KCNMB2: variants seen among roughly 807,000 people sequenced by gnomAD.
The protein encoded by KCNMB2 is calcium-activated potassium channel subunit beta-2.
Under a neutral mutation model 24.5 loss-of-function variants are expected in KCNMB2, and 9 were observed. The ratio of observed to expected loss-of-function variants is 0.37; its 90% CI spans 0.22 to 0.64. The LOEUF is 0.64. Among genes scored for constraint, KCNMB2 ranks in the 30% least tolerant of loss-of-function variants. The probability of loss-of-function intolerance (pLI) is 0.63; values close to 1 mark genes in which losing one functional copy is unlikely to be tolerated. For missense variants in KCNMB2, 226 were observed against 284.3 expected, an observed-to-expected ratio of 0.79 and a Z score of 1.47; for synonymous variants, 109 against 104.4, an observed-to-expected ratio of 1.04 and a Z score of -0.27.
At chr3:178,636,823 G>A (rs892341340) in intron 1 of KCNMB2, among the ~76,000 whole-genome samples, 1 of 103,784 alleles carries the variant, frequency 9.6e-6, no homozygotes, top group Non-Finnish European at 1.9e-5. Flanking sequence ...GTGGTGGTTT[G>A]CTGCACAGAT....
At chr3:178,651,541 A>T (rs1409553230) in intron 1 of KCNMB2, among the ~76,000 whole-genome samples, 1 of 152,190 alleles carries the variant, frequency 6.6e-6, no homozygotes, top group African/African-American at 2.4e-5. Flanking sequence ...GCTACCATTG[A>T]CTTTCTTCAC....
chr3:178,594,381 G>A (rs1717790393), intron 1 of KCNMB2, among the ~76,000 whole-genome samples: 1 of 152,226 alleles, frequency 6.6e-6, no homozygotes, highest in South Asian at 2.1e-4. Flanking sequence ...TAGTGTGGAA[G>A]CAGTGAAGAT....
chr3:178,804,597 G>A (rs1713893787), intron 1 of KCNMB2, among the ~76,000 whole-genome samples: 1 of 152,144 alleles, frequency 6.6e-6, no homozygotes, highest in Admixed American at 6.5e-5. Context: ...TCTTGAAACA[G>A]AGCAAAGATA....
At chr3:178,673,174 C>A (rs886067035) in intron 1 of KCNMB2, among the ~76,000 whole-genome samples, 1 of 152,094 alleles carries the variant, frequency 6.6e-6, no homozygotes, top group South Asian at 2.1e-4. Context: ...TTCAGAAAAA[C>A]CTCAACCCTA....
At chr3:178,741,164 T>G (rs925639710) in intron 1 of KCNMB2, among the ~76,000 whole-genome samples, 2 of 152,330 alleles carry the variant, frequency 1.3e-5, no homozygotes, top group East Asian at 3.9e-4. Flanking sequence ...AGAGTGTGTT[T>G]GGAGATGAAC....
At chr3:178,808,936 C>A (rs1312421142) in intron 2 of KCNMB2, among the ~76,000 whole-genome samples, 1 of 152,038 alleles carries the variant, frequency 6.6e-6, no homozygotes, top group East Asian at 1.9e-4. Context: ...AATAATGTTG[C>A]CTTGTCAGCA....
intron 1 of KCNMB2, among the ~76,000 whole-genome samples, chr3:178,673,781 A>G (rs759421161): frequency 6.6e-6 from 1 of 152,064 alleles, no homozygotes; most frequent in African/African-American, 2.4e-5. Context: ...TCTGCTTTTC[A>G]TTTCAGTAAG....
intron 1 of KCNMB2, among the ~76,000 whole-genome samples, chr3:178,600,139 A>T (rs1429271812): frequency 6.6e-6 from 1 of 152,126 alleles, no homozygotes; most frequent in East Asian, 1.9e-4. Context: ...CGGCCTCCCA[A>T]AGTGCTAGGA....
chr3:178,761,889 A>C (rs983168605), intron 1 of KCNMB2, among the ~76,000 whole-genome samples: 4 of 152,196 alleles, frequency 2.6e-5, no homozygotes, highest in African/African-American at 9.6e-5. Context: ...AACAGAAAGT[A>C]GGCTGGGCAT....
At chr3:178,593,202 C>A (rs1717741808) in intron 1 of KCNMB2, among the ~76,000 whole-genome samples, 1 of 151,930 alleles carries the variant, frequency 6.6e-6, no homozygotes, top group Non-Finnish European at 1.5e-5. Flanking sequence ...ACATATTCAA[C>A]CTGGATTAAC....
rs570062917 is a variant in KCNMB2, at chr3:178,590,166, C to A, written c.-68+53455C>A. Among the ~76,000 whole-genome samples, 6 of 152,264 alleles carry A rather than the reference C, an allele frequency of 3.9e-5. No individual in the cohort carries two copies. In the East Asian group the frequency reaches 5.8e-4, roughly 15 times the overall value. On this transcript the variant is annotated intron_variant, in intron 1 of 4. Coordinates refer to ENST00000452583, the MANE Select transcript of KCNMB2 (RefSeq NM_181361.3). ...TCTAACCATTTTTATTCATCTTCTT[C>A]CTCTTATCCTCCTTCCTTCTCTCTC...
At chr3:178,724,017 C>T (rs1206100341) in intron 1 of KCNMB2, among the ~76,000 whole-genome samples, 1 of 152,224 alleles carries the variant, frequency 6.6e-6, no homozygotes, top group South Asian at 2.1e-4. Flanking sequence ...GAGATTGCTG[C>T]ATTGAATGAT....
At chr3:178,715,854 G>A (rs372359121) in intron 1 of KCNMB2, among the ~76,000 whole-genome samples, 57 of 152,254 alleles carry the variant, frequency 3.7e-4, no homozygotes, top group Middle Eastern at 3.4e-3. Context: ...ACCTGACCAG[G>A]AGACCAGGGC....
intron 1 of KCNMB2, among the ~76,000 whole-genome samples, chr3:178,796,302 G>C (rs1713537878): frequency 6.6e-6 from 1 of 151,996 alleles, no homozygotes; most frequent in Non-Finnish European, 1.5e-5. Flanking sequence ...TAAATCCCAA[G>C]ACAATAATAG....
At chr3:178,543,058 C>G (rs1030764153) in intron 1 of KCNMB2, among the ~76,000 whole-genome samples, 2 of 152,174 alleles carry the variant, frequency 1.3e-5, no homozygotes, top group Non-Finnish European at 2.9e-5. Flanking sequence ...AAACTATAAA[C>G]TTTAATTGCA....
intron 1 of KCNMB2, among the ~76,000 whole-genome samples, chr3:178,757,404 C>T (rs1387223153): frequency 3.6e-5 from 1 of 27,786 alleles, no homozygotes; most frequent in African/African-American, 1.6e-4. Context: ...GTATATATAT[C>T]CAAGAGGATA....
At chr3:178,598,742 G>A (rs6809859) in intron 1 of KCNMB2, among the ~76,000 whole-genome samples, 121,570 of 151,612 alleles carry the variant, frequency 0.8, 49,403 homozygotes, top group African/African-American at 0.95. Context: ...ACCTCATTTG[G>A]TCCATGTGTG....
chr3:178,586,270 G>A (rs930456655), intron 1 of KCNMB2, among the ~76,000 whole-genome samples: 1 of 152,062 alleles, frequency 6.6e-6, no homozygotes, highest in African/African-American at 2.4e-5. Context: ...ATAATTTCCA[G>A]CTGCAAACAC....
At chr3:178,740,417 G>A (rs565799512) in intron 1 of KCNMB2, among the ~76,000 whole-genome samples, 6 of 152,154 alleles carry the variant, frequency 3.9e-5, no homozygotes, top group African/African-American at 1.4e-4. Flanking sequence ...ACCACGCCTG[G>A]CCCCCGTAAA....
Sources: allele counts gnomAD v4.1 joint callset (sites outside exome capture counted in the v4.1 genomes callset), GRCh38; gene constraint gnomAD v4.1.1; transcripts MANE v1.5; gene names NCBI Gene and HGNC (gene_info 2026-07-23, HGNC 2026-07-21).